The following NELL2 variants were observed in gnomAD, a reference collection of about 807,000 sequenced individuals.
NELL2 encodes protein kinase C-binding protein NELL2.
A neutral mutation model predicts 109.6 loss-of-function variants in NELL2; 41 were observed. That is an observed-to-expected ratio of 0.37 (90% CI 0.29 to 0.49). The LOEUF (loss-of-function observed/expected upper bound fraction) is 0.49, where lower values mean the gene tolerates loss of function less well. Ranked by LOEUF, NELL2 falls within the 20% of genes least tolerant of loss-of-function variation. NELL2 has a pLI of 0.98. For synonymous variants in NELL2, 355 were observed against 344.7 expected, an observed-to-expected ratio of 1.03 and a Z score of -0.33; for missense variants, 900 against 1,008.3, an observed-to-expected ratio of 0.89 and a Z score of 1.45.
chr12:44,686,270 T>A (rs1018667759), intron 12 of NELL2, among the ~76,000 whole-genome samples: 7 of 152,214 alleles, frequency 4.6e-5, no homozygotes, highest in African/African-American at 9.6e-5. Context: ...CTCCATCAGC[T>A]CCTCTAAGCA....
chr12:44,550,217 T>A (rs1942975086), intron 15 of NELL2, among the ~76,000 whole-genome samples: 1 of 152,052 alleles, frequency 6.6e-6, no homozygotes, highest in South Asian at 2.1e-4. Flanking sequence ...GGCCCTTATC[T>A]TAAAGCATAC....
chr12:44,517,335 C>T (rs573556162), intron 19 of NELL2, among the ~76,000 whole-genome samples: 2 of 150,122 alleles, frequency 1.3e-5, no homozygotes, highest in South Asian at 2.1e-4. Context: ...ATAAAGGCAA[C>T]ATTTACAAAT....
chr12:44,584,213 C>T (rs1382022683), intron 15 of NELL2, among the ~76,000 whole-genome samples: 1 of 152,224 alleles, frequency 6.6e-6, no homozygotes, highest in Admixed American at 6.5e-5. Flanking sequence ...TAAACGTCCG[C>T]TTACCCTCCT....
chr12:44,855,488 G>A (rs2710456), intron 2 of NELL2, among the ~76,000 whole-genome samples: 1 of 152,230 alleles, frequency 6.6e-6, no homozygotes, highest in Non-Finnish European at 1.5e-5. Context: ...GTATTTTATT[G>A]TACGGGCTAA....
chr12:44,579,239 T>C (rs1342919635), intron 15 of NELL2, among the ~76,000 whole-genome samples: 6 of 152,194 alleles, frequency 3.9e-5, no homozygotes, highest in Non-Finnish European at 8.8e-5. Flanking sequence ...TACATGTTTT[T>C]GTAAAAAATC....
At chr12:44,648,593 G>A (rs1440143533) in intron 13 of NELL2, among the ~76,000 whole-genome samples, 2 of 151,292 alleles carry the variant, frequency 1.3e-5, no homozygotes, top group Non-Finnish European at 2.9e-5. Flanking sequence ...ACAAAATTGA[G>A]GTCATAATGA....
At chr12:44,790,467 C>T (rs1416089085) in intron 3 of NELL2, among the ~76,000 whole-genome samples, 1 of 152,034 alleles carries the variant, frequency 6.6e-6, no homozygotes, top group African/African-American at 2.4e-5. Flanking sequence ...ACAAGTACTG[C>T]TAAAAGGAGC....
chr12:44,888,292 C>T (rs773666452), intron 1 of NELL2, among the ~76,000 whole-genome samples: 5 of 151,234 alleles, frequency 3.3e-5, no homozygotes, highest in South Asian at 2.1e-4. Context: ...TTTGTTCTTT[C>T]GGCTAAGGAT....
At chr12:44,590,900 A>C (rs1355962250) in intron 15 of NELL2, among the ~76,000 whole-genome samples, 1 of 151,886 alleles carries the variant, frequency 6.6e-6, no homozygotes, top group African/African-American at 2.4e-5. Flanking sequence ...GAATATACAA[A>C]AAAAAAAACC....
At chr12:44,600,933 C>A (rs929477403) in intron 15 of NELL2, among the ~76,000 whole-genome samples, 2 of 152,002 alleles carry the variant, frequency 1.3e-5, no homozygotes, top group African/African-American at 4.8e-5. Context: ...AAACAATTAT[C>A]TTAAAAGTGA....
intron 1 of NELL2, among the ~76,000 whole-genome samples, chr12:44,888,613 T>C (rs1455936470): frequency 8.6e-5 from 13 of 151,584 alleles, no homozygotes; most frequent in Admixed American, 8.5e-4. Context: ...TATATCAAAC[T>C]GGGAATGATT....
chr12:44,634,681 T>C (rs1332357413), intron 13 of NELL2, among the ~76,000 whole-genome samples: 1 of 152,236 alleles, frequency 6.6e-6, no homozygotes, highest in African/African-American at 2.4e-5. Flanking sequence ...CCTTTGGGTA[T>C]ATACCCAGTA....
intron 15 of NELL2, among the ~76,000 whole-genome samples, chr12:44,539,486 T>C (rs189776636): frequency 5.9e-5 from 9 of 152,314 alleles, no homozygotes; most frequent in Admixed American, 5.9e-4. Context: ...ATTTCTCTAA[T>C]ATTTTACAGA....
At chr12:44,855,071 A>C (rs1238765602) in intron 2 of NELL2, among the ~76,000 whole-genome samples, 1 of 152,144 alleles carries the variant, frequency 6.6e-6, no homozygotes, top group African/African-American at 2.4e-5. Flanking sequence ...TAAAAATATT[A>C]ATGAGATTTT....
chr12:44,729,655 T>C (rs369043259), intron 9 of NELL2, among the ~76,000 whole-genome samples: 1 of 150,938 alleles, frequency 6.6e-6, no homozygotes, highest in East Asian at 1.9e-4. Context: ...TGTGAAATGT[T>C]TGAAACATAT....
At chr12:44,601,240 T>C (rs1945208006) in intron 15 of NELL2, among the ~76,000 whole-genome samples, 1 of 152,108 alleles carries the variant, frequency 6.6e-6, no homozygotes, top group Non-Finnish European at 1.5e-5. Context: ...CTGAAAAATT[T>C]CCCCATCATA....
At chr12:44,866,354 T>G (rs887295490) in intron 2 of NELL2, among the ~76,000 whole-genome samples, 1 of 152,084 alleles carries the variant, frequency 6.6e-6, no homozygotes, top group Non-Finnish European at 1.5e-5. Flanking sequence ...CATGAACAAC[T>G]AATTGGTCAA....
chr12:44,678,511 C>A (rs1016024515), intron 12 of NELL2, among the ~76,000 whole-genome samples: 1 of 151,846 alleles, frequency 6.6e-6, no homozygotes, highest in Non-Finnish European at 1.5e-5. Context: ...GTGTTGATAC[C>A]AAAAGGTAGA....
At chr12:44,864,290 A>T (rs1223157409) in intron 2 of NELL2, among the ~76,000 whole-genome samples, 2 of 152,192 alleles carry the variant, frequency 1.3e-5, no homozygotes, top group Non-Finnish European at 2.9e-5. Flanking sequence ...TATTTAAAAA[A>T]TAAAAAGCAA....
Sources: gnomAD v4.1 joint callset for allele counts (sites outside exome capture counted in the v4.1 genomes callset) on GRCh38, gnomAD v4.1.1 for gene constraint, MANE v1.5 for transcripts, NCBI Gene and HGNC (gene_info 2026-07-23, HGNC 2026-07-21) for gene names.